The following CADM2 variants were observed in gnomAD, a reference collection of about 807,000 sequenced individuals.
The protein encoded by CADM2 is cell adhesion molecule 2.
CADM2 carries 12 observed loss-of-function variants against 49.8 expected under a neutral mutation model. The observed-to-expected ratio is 0.24, with a 90% CI of 0.15 to 0.39. The LOEUF (loss-of-function observed/expected upper bound fraction) is 0.39, where lower values mean the gene tolerates loss of function less well. Ranked by LOEUF, CADM2 falls within the 10% of genes least tolerant of loss-of-function variation. CADM2 has a pLI of 1.00. For missense variants in CADM2, 378 were observed against 492.3 expected (o/e 0.77, Z 2.20); for synonymous variants, 214 against 175.4 (o/e 1.22, Z -1.74).
intron 1 of CADM2, among the ~76,000 whole-genome samples, chr3:85,525,351 A>G (rs2061138485): frequency 1.3e-5 from 2 of 152,170 alleles, no homozygotes; most frequent in Admixed American, 1.3e-4. Context: ...ACTAAAGCCC[A>G]TGCTATATTC....
At chr3:85,023,165 G>GA (rs1296696965) in intron 1 of CADM2, among the ~76,000 whole-genome samples, 2 of 152,002 alleles carry the variant, frequency 1.3e-5, no homozygotes, top group Non-Finnish European at 2.9e-5. Context: ...CTAAATTTTA[G>GA]AAAAAAGACA....
intron 1 of CADM2, among the ~76,000 whole-genome samples, chr3:85,115,059 A>G (rs1016901277): frequency 4.6e-5 from 7 of 152,158 alleles, no homozygotes; most frequent in Non-Finnish European, 8.8e-5. Flanking sequence ...ATCTACCTGG[A>G]ATGCTTAAAA....
At chr3:85,621,578 ACTCTG>A (rs1262637416) in intron 1 of CADM2, among the ~76,000 whole-genome samples, 1 of 152,122 alleles carries the variant, frequency 6.6e-6, no homozygotes, top group South Asian at 2.1e-4. Flanking sequence ...CAATGCGATT[ACTCTG>A]CTCTGTTTTT....
intron 8 of CADM2, among the ~76,000 whole-genome samples, chr3:86,035,526 G>T (rs746236880): frequency 1.3e-5 from 2 of 151,928 alleles, no homozygotes; most frequent in African/African-American, 4.8e-5. Flanking sequence ...AAATAAGAAC[G>T]CATATATAGT....
intron 1 of CADM2, among the ~76,000 whole-genome samples, chr3:84,991,582 G>A (rs1178453851): frequency 6.6e-6 from 1 of 152,168 alleles, no homozygotes; most frequent in African/African-American, 2.4e-5. Context: ...CTGTTGGAAT[G>A]TAAAATGGCA....
At chr3:85,362,008 C>T (rs562934994) in intron 1 of CADM2, among the ~76,000 whole-genome samples, 70 of 152,286 alleles carry the variant, frequency 4.6e-4, no homozygotes, top group African/African-American at 1.5e-3. Flanking sequence ...TTTGGTAGAA[C>T]AATGTATTAC....
At chr3:85,164,810 A>G (rs1223984203) in intron 1 of CADM2, among the ~76,000 whole-genome samples, 2 of 152,048 alleles carry the variant, frequency 1.3e-5, no homozygotes, top group East Asian at 1.9e-4. Flanking sequence ...GTAAATTCAA[A>G]TTTATTTATT....
At chr3:85,504,150 G>A (rs2040224126) in intron 1 of CADM2, among the ~76,000 whole-genome samples, 1 of 152,100 alleles carries the variant, frequency 6.6e-6, no homozygotes, top group African/African-American at 2.4e-5. Flanking sequence ...ATGTTCAGAT[G>A]TGTTCGGAGT....
chr3:85,692,847 G>A (rs2066427607), intron 1 of CADM2, among the ~76,000 whole-genome samples: 1 of 152,096 alleles, frequency 6.6e-6, no homozygotes, highest in South Asian at 2.1e-4. Flanking sequence ...AGCTCATTAA[G>A]CTTATTTTGA....
intron 8 of CADM2, among the ~76,000 whole-genome samples, chr3:85,996,200 A>G (rs1033394688): frequency 6.6e-6 from 1 of 151,384 alleles, no homozygotes; most frequent in Admixed American, 6.6e-5. Flanking sequence ...TATATTATTT[A>G]AATTTACTTT....
intron 1 of CADM2, among the ~76,000 whole-genome samples, chr3:85,225,395 C>T (rs942583506): frequency 1.4e-4 from 22 of 152,094 alleles, no homozygotes; most frequent in Admixed American, 1.0e-3. Context: ...TTATTTGGCT[C>T]TCTGTTAGTG....
chr3:85,510,577 T>C (rs1398896400), intron 1 of CADM2, among the ~76,000 whole-genome samples: 2 of 152,032 alleles, frequency 1.3e-5, no homozygotes, highest in African/African-American at 4.8e-5. Context: ...TTAATGAAAT[T>C]TTGTTTTGTT....
At chr3:85,556,883 G>GT (rs2061973748) in intron 1 of CADM2, among the ~76,000 whole-genome samples, 2 of 152,080 alleles carry the variant, frequency 1.3e-5, no homozygotes, top group Non-Finnish European at 2.9e-5. Context: ...TTTAGATTTT[G>GT]ACAATATATT....
intron 5 of CADM2, among the ~76,000 whole-genome samples, chr3:85,908,788 G>T (rs1265245402): frequency 6.6e-6 from 1 of 150,904 alleles, no homozygotes; most frequent in Non-Finnish European, 1.5e-5. Flanking sequence ...GCAGGGGCGT[G>T]GTCTCTGCTC....
At chr3:85,249,803 G>A (rs189865514) in intron 1 of CADM2, among the ~76,000 whole-genome samples, 1 of 151,978 alleles carries the variant, frequency 6.6e-6, no homozygotes. Flanking sequence ...TTTACAAAGA[G>A]ATAATTGAAA....
intron 8 of CADM2, among the ~76,000 whole-genome samples, chr3:85,990,799 T>C (rs1024192503): frequency 3.3e-5 from 5 of 152,196 alleles, no homozygotes; most frequent in Admixed American, 6.5e-5. Context: ...CTATCGTAGA[T>C]AGACCATCCT....
chr3:85,531,722 A>G (rs1297969224), intron 1 of CADM2, among the ~76,000 whole-genome samples: 3 of 152,184 alleles, frequency 2.0e-5, no homozygotes, highest in Non-Finnish European at 2.9e-5. Flanking sequence ...CAGTCTAAAA[A>G]TATACCCATG....
intron 1 of CADM2, among the ~76,000 whole-genome samples, chr3:85,025,542 C>T (rs1418018006): frequency 6.6e-6 from 1 of 152,130 alleles, no homozygotes; most frequent in East Asian, 1.9e-4. Context: ...GGCTTGCTAG[C>T]GTTTGCCATA....
chr3:85,584,400 A>G (rs749230036), intron 1 of CADM2, among the ~76,000 whole-genome samples: 6 of 152,090 alleles, frequency 3.9e-5, no homozygotes, highest in Non-Finnish European at 8.8e-5. Flanking sequence ...CACAAATAAT[A>G]TGCAAATAAT....
Sources: allele counts gnomAD v4.1 joint callset (sites outside exome capture counted in the v4.1 genomes callset), GRCh38; gene constraint gnomAD v4.1.1; transcripts MANE v1.5; gene names NCBI Gene and HGNC (gene_info 2026-07-23, HGNC 2026-07-21).